Variants in USH2A observed in about 807,000 individuals in gnomAD.
USH2A encodes Usher syndrome 2A (autosomal recessive, mild).
A neutral mutation model predicts 538.9 loss-of-function variants in USH2A; 443 were observed. The ratio of observed to expected loss-of-function variants is 0.82; its 90% CI spans 0.76 to 0.89. The LOEUF (loss-of-function observed/expected upper bound fraction) is 0.89, where lower values mean the gene tolerates loss of function less well. Ranked by LOEUF, USH2A falls within the 40% of genes least tolerant of loss-of-function variation. USH2A has a pLI of 0.00. For missense variants in USH2A, 6,633 were observed against 6,324.8 expected (o/e 1.05, Z -1.65); for synonymous variants, 2,413 against 2,273.5 (o/e 1.06, Z -1.75).
At chr1:216,134,115 T>C (rs2033432906) in intron 21 of USH2A, among the ~76,000 whole-genome samples, 1 of 152,166 alleles carries the variant, frequency 6.6e-6, no homozygotes, top group African/African-American at 2.4e-5. Flanking sequence ...AGCTGTTTTC[T>C]GTGTTTTGTA....
intron 30 of USH2A, among the ~76,000 whole-genome samples, chr1:216,069,217 G>A (rs1424883659): frequency 6.6e-6 from 1 of 152,094 alleles, no homozygotes; most frequent in Non-Finnish European, 1.5e-5. Flanking sequence ...TGATAAGGAG[G>A]GTAAAATAGG....
At chr1:216,028,374 G>A (rs745657628) in intron 32 of USH2A, among the ~76,000 whole-genome samples, 69 of 151,786 alleles carry the variant, frequency 4.5e-4, no homozygotes, top group Non-Finnish European at 9.1e-4. Context: ...GCGACAGAGT[G>A]AGACCCTGTC....
chr1:215,771,589 A>AAAAAAAAG (rs1661289627), intron 55 of USH2A, among the ~76,000 whole-genome samples: 1 of 63,658 alleles, frequency 1.6e-5, no homozygotes, highest in Non-Finnish European at 3.4e-5. Flanking sequence ...CAAAAAAAAA[A>AAAAAAAAG]AAAAAAAAAA....
At chr1:216,128,196 T>C (rs1461848531) in intron 21 of USH2A, among the ~76,000 whole-genome samples, 1 of 152,170 alleles carries the variant, frequency 6.6e-6, no homozygotes, top group Non-Finnish European at 1.5e-5. Flanking sequence ...AGTTAAAAGT[T>C]GATTGAAAAT....
intron 37 of USH2A, among the ~76,000 whole-genome samples, chr1:215,935,688 C>T (rs1469446813): frequency 6.6e-6 from 1 of 151,844 alleles, no homozygotes; most frequent in Non-Finnish European, 1.5e-5. Flanking sequence ...AAGAAAAGGG[C>T]TACAGATGAA....
Position 216,008,494 on chromosome 1 carries a change from A to G in USH2A, c.6326-7932T>C, listed in dbSNP as rs889378152. Among the ~76,000 whole-genome samples the G allele has an allele frequency of 6.6e-5, 10 of 152,114 alleles. No individual in the cohort carries two copies. The East Asian group carries it at 1.9e-3, about 29-fold the overall frequency. On this transcript the variant is annotated intron_variant, in intron 32 of 71. Coordinates refer to ENST00000307340, the MANE Select transcript of USH2A (RefSeq NM_206933.4). ...CAGCCCACTTGCACCCAGGTGAAAT[A>G]AACAGCCATGTTGCTCACACAAAGC...
At chr1:215,887,553 C>A (rs1365639397) in intron 41 of USH2A, among the ~76,000 whole-genome samples, 1 of 152,032 alleles carries the variant, frequency 6.6e-6, no homozygotes, top group African/African-American at 2.4e-5. Context: ...TTGCTTTGAC[C>A]AGCTTCATAT....
intron 21 of USH2A, among the ~76,000 whole-genome samples, chr1:216,160,855 CT>C (rs1419350752): frequency 1.3e-5 from 2 of 152,018 alleles, no homozygotes; most frequent in African/African-American, 4.8e-5. Flanking sequence ...ATATCTTCAA[CT>C]ATGAGGATAT....
In USH2A at chr1:216,381,264, T is replaced by G. The variant is rs186826169; in HGVS notation, c.652-16179A>C. Among the ~76,000 whole-genome samples the G allele has an allele frequency of 3.0e-4, 45 of 152,100 alleles. No homozygotes were observed. In the East Asian group the frequency reaches 7.2e-3, roughly 24 times the overall value. On this transcript the variant is annotated intron_variant, in intron 3 of 71. Transcript: ENST00000307340. ...ATGAAAACCACAAAGTACATGATTT[T>G]GGGAGGCAAAAAAATATCATGGTTA...
Position 215,865,927 on chromosome 1 carries a change from A to T in USH2A, c.8845+1080T>A, listed in dbSNP as rs145270787. 2.6e-5 allele frequency among the ~76,000 whole-genome samples: 4 copies of T among 152,342 alleles called. No homozygotes were observed. In the East Asian group the frequency reaches 7.7e-4, roughly 29 times the overall value. On this transcript the variant is annotated intron_variant, in intron 44 of 71. Transcript: ENST00000307340. ...ATCACTCAGGTGTCCTAAATGGAGC[A>T]TCTCTCTTCTTAAGCTGTAACCAAA...
intron 35 of USH2A, among the ~76,000 whole-genome samples, chr1:215,989,665 G>A (rs1191003292): frequency 6.6e-6 from 1 of 152,084 alleles, no homozygotes. Flanking sequence ...GGTGACAGCA[G>A]TCAGGGGTGA....
At chr1:215,819,076 C>A (rs541482137) in intron 47 of USH2A, among the ~76,000 whole-genome samples, 1 of 151,714 alleles carries the variant, frequency 6.6e-6, no homozygotes, top group Non-Finnish European at 1.5e-5. Flanking sequence ...ATTAACTAAT[C>A]ACAAATATGT....
intron 21 of USH2A, among the ~76,000 whole-genome samples, chr1:216,171,019 T>C (rs1407227502): frequency 2.0e-5 from 3 of 151,314 alleles, no homozygotes; most frequent in African/African-American, 7.4e-5. Flanking sequence ...AATTTTCTGC[T>C]TTTTTTATAA....
chr1:215,820,233 A>T (rs2102799407), intron 47 of USH2A, among the ~76,000 whole-genome samples: 2 of 151,640 alleles, frequency 1.3e-5, no homozygotes, highest in South Asian at 4.1e-4. Flanking sequence ...AAAAGTCACC[A>T]TGTCTACACA....
intron 21 of USH2A, among the ~76,000 whole-genome samples, chr1:216,145,175 A>G (rs565768750): frequency 6.6e-6 from 1 of 152,198 alleles, no homozygotes; most frequent in African/African-American, 2.4e-5. Context: ...TTTTTATGTT[A>G]TGTTCAGGAC....
At chr1:215,910,235 A>G (rs1665745785) in intron 38 of USH2A, among the ~76,000 whole-genome samples, 6 of 152,002 alleles carry the variant, frequency 3.9e-5, no homozygotes, top group Admixed American at 3.3e-4. Flanking sequence ...TTTATGTTCA[A>G]TTAGCACTTT....
chr1:216,378,222 G>T (rs1449476809), intron 3 of USH2A, among the ~76,000 whole-genome samples: 2 of 152,122 alleles, frequency 1.3e-5, no homozygotes, highest in East Asian at 3.8e-4. Flanking sequence ...AAAAGGTAAA[G>T]GTGAGAATGA....
At chr1:215,632,608 T>C (rs1428790767) in intron 70 of USH2A, among the ~76,000 whole-genome samples, 2 of 152,160 alleles carry the variant, frequency 1.3e-5, no homozygotes, top group Non-Finnish European at 2.9e-5. Flanking sequence ...GCACCTCACA[T>C]TATACAGTAG....
intron 47 of USH2A, among the ~76,000 whole-genome samples, chr1:215,829,213 A>G (rs1233292106): frequency 6.6e-6 from 1 of 152,202 alleles, no homozygotes; most frequent in East Asian, 1.9e-4. Context: ...ATAAAACTAG[A>G]AGGGTCCATT....
Sources: allele counts gnomAD v4.1 joint callset (sites outside exome capture counted in the v4.1 genomes callset), GRCh38; gene constraint gnomAD v4.1.1; transcripts MANE v1.5; gene names NCBI Gene and HGNC (gene_info 2026-07-23, HGNC 2026-07-21).